VTA1: variants seen among roughly 807,000 people sequenced by gnomAD.
VTA1 encodes the protein vacuolar protein sorting-associated protein VTA1 homolog.
In VTA1, 24 loss-of-function variants were observed where a neutral mutation model predicts 36.9. The observed-to-expected ratio is 0.65, with a 90% CI of 0.47 to 0.91. VTA1 has a LOEUF of 0.91. VTA1 is among the 40% of genes least tolerant of loss of function. The pLI is 0.00. For synonymous variants in VTA1, 142 were observed against 130.2 expected (o/e 1.09, Z -0.62); for missense variants, 393 against 377.2 (o/e 1.04, Z -0.35).
chr6:142,155,505 T>A (rs1778646492), intron 1 of VTA1, among the ~76,000 whole-genome samples: 1 of 152,158 alleles, frequency 6.6e-6, no homozygotes, highest in Non-Finnish European at 1.5e-5. Context: ...TTTTATAACG[T>A]GAGGGAAGGT....
intron 1 of VTA1, among the ~76,000 whole-genome samples, chr6:142,154,013 A>C (rs1327527657): frequency 6.6e-6 from 1 of 151,988 alleles, no homozygotes; most frequent in African/African-American, 2.4e-5. Context: ...TGTCAGTTTT[A>C]CATGTATTTG....
chr6:142,158,224 A>G (rs958461436), intron 1 of VTA1, among the ~76,000 whole-genome samples: 7 of 152,214 alleles, frequency 4.6e-5, no homozygotes, highest in Admixed American at 4.6e-4. Context: ...TACATGTTGC[A>G]ATGTATATAA....
chr6:142,181,498 A>G lies in VTA1; in HGVS notation c.412-7928A>G, dbSNP rs114450476. ...ATGTATATGTACTTTTTATACATTT[A>G]TATGTAGAAATAAATTGATAAAAAT... On this transcript the variant is annotated intron_variant, in intron 4 of 7. Transcript: ENST00000367630. Among the ~76,000 whole-genome samples, 354 of 149,176 alleles carry G rather than the reference A, an allele frequency of 2.4e-3. 1 individual carries two copies. The highest frequency in any genetic ancestry group is 8.2e-3 in the African/African-American group (336 of 40,964).
intron 4 of VTA1, among the ~76,000 whole-genome samples, chr6:142,182,093 AAGTT>A (rs1159615459): frequency 1.3e-5 from 2 of 152,222 alleles, no homozygotes; most frequent in African/African-American, 2.4e-5. Flanking sequence ...TGTTGCCACA[AAGTT>A]AGAGATTATT....
intron 4 of VTA1, among the ~76,000 whole-genome samples, chr6:142,172,260 C>G (rs779613423): frequency 7.2e-5 from 11 of 152,270 alleles, no homozygotes; most frequent in Admixed American, 2.6e-4. Flanking sequence ...CCACCTGCCT[C>G]GGCCTCCCAA....
At chr6:142,208,001 C>T (rs956520889) in intron 7 of VTA1, among the ~76,000 whole-genome samples, 4 of 149,632 alleles carry the variant, frequency 2.7e-5, no homozygotes, top group African/African-American at 4.9e-5. Flanking sequence ...GCAGGAGAAT[C>T]GCTTGAACCT....
intron 4 of VTA1, among the ~76,000 whole-genome samples, chr6:142,188,170 A>G (rs1262099771): frequency 6.7e-6 from 1 of 149,578 alleles, no homozygotes; most frequent in Non-Finnish European, 1.5e-5. Context: ...TGGCCTCCCA[A>G]AGTGCTAGGA....
At chr6:142,153,214 A>C (rs571041585) in intron 1 of VTA1, among the ~76,000 whole-genome samples, 2 of 152,112 alleles carry the variant, frequency 1.3e-5, no homozygotes, top group African/African-American at 4.8e-5. Context: ...TGTAAACTCT[A>C]TGAGAACAAG....
chr6:142,151,897 G>A (rs1403620681), intron 1 of VTA1, among the ~76,000 whole-genome samples: 2 of 152,222 alleles, frequency 1.3e-5, no homozygotes, highest in Non-Finnish European at 2.9e-5. Context: ...AGCTGGATGT[G>A]GTGGCAGGTG....
chr6:142,209,589 GAATGTAATACAAAA>G (rs1435010413), intron 7 of VTA1, among the ~76,000 whole-genome samples: 4 of 143,574 alleles, frequency 2.8e-5, no homozygotes, highest in African/African-American at 7.7e-5. Flanking sequence ...AAATTCTGTT[GAATGTAATACAAAA>G]AATGTAATAC....
intron 6 of VTA1, among the ~76,000 whole-genome samples, chr6:142,200,044 T>C (rs1482735365): frequency 6.6e-6 from 1 of 152,106 alleles, no homozygotes; most frequent in Non-Finnish European, 1.5e-5. Context: ...AGCATTCTCA[T>C]AGAGGAGCCA....
chr6:142,193,766 C>T (rs555982460), intron 5 of VTA1, among the ~76,000 whole-genome samples: 1 of 151,806 alleles, frequency 6.6e-6, no homozygotes, highest in East Asian at 1.9e-4. Context: ...TCATACCTGT[C>T]CATAAGGTTC....
intron 5 of VTA1, among the ~76,000 whole-genome samples, chr6:142,193,900 A>C (rs1214510601): frequency 6.6e-6 from 1 of 151,696 alleles, no homozygotes; most frequent in Non-Finnish European, 1.5e-5. Context: ...ATACCTTCTT[A>C]CCCTTCCACA....
At position 142,147,378 on chromosome 6, in the gene VTA1, G is replaced by C; in HGVS notation, c.91G>C (p.Asp31His). 1.2e-6 allele frequency: 2 copies of C among 1,614,180 alleles called. No homozygotes were observed. Among genetic ancestry groups the C allele is most frequent in the Non-Finnish European group, 1.7e-6 (2 of 1,180,018 alleles). The change falls in exon 1 of 8, where the codon GAC becomes CAC. Residue 31 changes from aspartate to histidine, a missense_variant. Coordinates refer to ENST00000367630, the MANE Select transcript of VTA1 (RefSeq NM_016485.5). Reference protein sequence around the residue: ...LRTAQEHDKRDPVVAYYCRLY... With the variant: ...LRTAQEHDKRHPVVAYYCRLY... The stretch of plus-strand genomic sequence containing the variant: ...GACGGCTCAGGAGCATGACAAGCGA[G>C]ACCCTGTGGTGGCTTATTACTGTGA...
intron 7 of VTA1, among the ~76,000 whole-genome samples, chr6:142,205,929 A>G (rs1775783327): frequency 1.3e-5 from 2 of 152,320 alleles, no homozygotes; most frequent in East Asian, 3.9e-4. Context: ...AAAGGATTTC[A>G]TTTGACTTAG....
chr6:142,210,310 C>A (rs1055090768), intron 7 of VTA1, among the ~76,000 whole-genome samples: 1 of 152,070 alleles, frequency 6.6e-6, no homozygotes, highest in Non-Finnish European at 1.5e-5. Context: ...AAATCTAAGA[C>A]CTATGAAACT....
At chr6:142,217,844 G>T (rs1384351273) in intron 7 of VTA1, among the ~76,000 whole-genome samples, 1 of 150,832 alleles carries the variant, frequency 6.6e-6, no homozygotes, top group Non-Finnish European at 1.5e-5. Flanking sequence ...TAAATGAAAT[G>T]TTTTTAATGT....
rs1027011019 is a variant in VTA1, at chr6:142,223,043, T to C, written c.*4400T>C. ...CCATGTCAGTAAGTCACCTGTTACA[T>C]TGTAAGTACAATGAGATGTTATGAG... On this transcript the variant is annotated 3_prime_UTR_variant, in exon 8 of 8. Coordinates refer to ENST00000367630, the MANE Select transcript of VTA1 (RefSeq NM_016485.5). 4.6e-5 allele frequency: 7 copies of C among 152,214 alleles called. No individual in the cohort carries two copies. Among genetic ancestry groups the C allele is most frequent in the Non-Finnish European group, 8.8e-5 (6 of 68,034 alleles). The allele number at this position is 152,214 out of a possible 1,614,324, so 9.4% of individuals were successfully genotyped here.
chr6:142,207,845 AG>A (rs1442206554), intron 7 of VTA1, among the ~76,000 whole-genome samples: 1 of 152,108 alleles, frequency 6.6e-6, no homozygotes, highest in Non-Finnish European at 1.5e-5. Flanking sequence ...GCACTTTAGG[AG>A]GCTGAGGTGG....
Sources: allele counts gnomAD v4.1 joint callset (sites outside exome capture counted in the v4.1 genomes callset), GRCh38; gene constraint gnomAD v4.1.1; transcripts MANE v1.5; gene names NCBI Gene and HGNC (gene_info 2026-07-23, HGNC 2026-07-21).